Variants in PLXNA1 observed in about 807,000 individuals in gnomAD.
The protein encoded by PLXNA1 is plexin A1, also known as plexin-A1.
In PLXNA1, 77 loss-of-function variants were observed where a neutral mutation model predicts 191.7. That is an observed-to-expected ratio of 0.40 (90% CI 0.33 to 0.49). The LOEUF (loss-of-function observed/expected upper bound fraction) is 0.49, where lower values mean the gene tolerates loss of function less well. PLXNA1 is among the 20% of genes least tolerant of loss of function. The pLI, the probability that PLXNA1 is intolerant of heterozygous loss-of-function variation, is 0.63. For synonymous variants in PLXNA1, 1,137 were observed against 1,156.4 expected (o/e 0.98, Z 0.34); for missense variants, 2,110 against 2,660.2 (o/e 0.79, Z 4.55).
chr3:126,988,757 T>C lies in PLXNA1; in HGVS notation c.164T>C (p.Val55Ala), dbSNP rs774226635. 3 of 1,599,160 alleles carry C rather than the reference T, an allele frequency of 1.9e-6. No homozygotes were observed. The highest frequency in any genetic ancestry group is 2.6e-6 in the Non-Finnish European group (3 of 1,171,276). ...SASDWGLTHL[V>A]VHEQTGEVYV... The stretch of plus-strand genomic sequence containing the variant: ...AGCGACTGGGGCCTCACCCACCTAG[T>C]GGTGCATGAGCAGACAGGCGAGGTG... Residue 55 changes from valine to alanine, a missense_variant, in exon 2 of 32, where the codon GTG becomes GCG. Val to Ala is a moderately conservative substitution (Grantham distance 64). Around this residue, in one of 4 missense-constraint regions of PLXNA1, gnomAD observed 903 missense variants for 1,015.7 expected, o/e 0.89. Transcript: ENST00000393409.
intron 23 of PLXNA1, among the ~76,000 whole-genome samples, chr3:127,023,098 G>A (rs890762677): frequency 6.6e-6 from 1 of 152,238 alleles, no homozygotes; most frequent in Non-Finnish European, 1.5e-5. Context: ...GCTGGCCTGG[G>A]CTCAGGAGGG....
Position 127,017,632 on chromosome 3 carries a change from GAGCTGA to G in PLXNA1, c.3488_3493del (p.Leu1163_Lys1164del). On this transcript the variant is annotated inframe_deletion, in exon 18 of 32. Transcript: ENST00000393409. ...GCCACTCAGCCCCACTGGCCTGCTG[GAGCTGA>G]AGCCCAGCTCCCCACTCATCCTCAA... The G allele has an allele frequency of 6.2e-7, 1 of 1,613,600 alleles. No homozygotes were observed. Among genetic ancestry groups the G allele is most frequent in the Non-Finnish European group, 8.5e-7 (1 of 1,180,012 alleles).
intron 2 of PLXNA1, among the ~76,000 whole-genome samples, chr3:126,990,029 T>C (rs962378419): frequency 9.9e-5 from 15 of 152,202 alleles, no homozygotes; most frequent in African/African-American, 3.4e-4. Flanking sequence ...CCTCAGAAGA[T>C]GGGGTGACGA....
At chr3:127,029,612 G>A (rs551447128) in intron 27 of PLXNA1, 76 bp downstream of exon 27, 14 of 1,478,684 alleles carry the variant, frequency 9.5e-6, no homozygotes, top group African/African-American at 6.9e-5. Flanking sequence ...GGGCTCCCAC[G>A]CTGCAGCAGC....
chr3:127,020,167 G>C (rs2079145294), intron 20 of PLXNA1, 35 bp from the exon 21 acceptor site: 1 of 1,607,882 alleles, frequency 6.2e-7, no homozygotes, highest in South Asian at 1.1e-5. Flanking sequence ...GGGGCCACCA[G>C]GGCATGCTGC....
chr3:127,020,129 C>G, intron 20 of PLXNA1, 73 bp from the exon 21 acceptor site: 11 of 1,568,848 alleles, frequency 7.0e-6, no homozygotes, highest in South Asian at 1.2e-5. Flanking sequence ...ATGTAGGCCC[C>G]AAGAGTGGGA....
chr3:127,029,822 C>T lies in PLXNA1; in HGVS notation c.4871-52C>T, dbSNP rs192009207. ...TTTCAGATGGGGAAACAGGCTCGGGCGGGGGGTGCGGGGTGCCAGCCAACG... is the reference window on the plus strand; with the variant it reads ...TTTCAGATGGGGAAACAGGCTCGGGTGGGGGGTGCGGGGTGCCAGCCAACG... On this transcript the variant is annotated intron_variant, in intron 27 of 31. Coordinates refer to ENST00000393409, the MANE Select transcript of PLXNA1 (RefSeq NM_032242.4). 1.5e-3 allele frequency: 2,260 copies of T among 1,495,028 alleles called. 17 individuals are homozygous for T. The African/African-American group carries it at 0.026, about 17-fold the overall frequency. 92.6% of individuals were successfully genotyped at this position (1,495,028 alleles called of 1,614,324 possible).
rs1458072368 is a variant in PLXNA1, at chr3:127,034,327, G to A, written c.*310G>A. The A allele has an allele frequency of 3.0e-5, 9 of 295,508 alleles. No individual in the cohort carries two copies. The highest frequency in any genetic ancestry group is 5.1e-5 in the Non-Finnish European group (8 of 157,824). 18.3% of individuals were successfully genotyped at this position (295,508 alleles called of 1,614,324 possible). A position where few individuals can be genotyped will look rare whatever the true frequency, so the allele number is the denominator to read the frequency against. ...CTGCCCAGTGGCCTTCATGGGAGAA[G>A]GGCTGACCTCTGAGGGGCTGAGGGG... is the stretch of plus-strand genomic sequence containing the variant. On this transcript the variant is annotated 3_prime_UTR_variant, in exon 32 of 32. Transcript: ENST00000393409.
chr3:126,989,265 T>C lies in PLXNA1; in HGVS notation c.672T>C (p.Phe224=). ...DMFGFVYQDE[F]VSSQLKIPSD... ...TCGGCTTCGTGTACCAGGATGAGTTTGTGTCATCACAGCTCAAGATCCCTT... is the reference window on the plus strand; with the variant it reads ...TCGGCTTCGTGTACCAGGATGAGTTCGTGTCATCACAGCTCAAGATCCCTT... Residue 224 remains phenylalanine (F), a synonymous_variant, in exon 2 of 32, where the codon TTT becomes TTC. Coordinates refer to ENST00000393409, the MANE Select transcript of PLXNA1 (RefSeq NM_032242.4). 6.2e-7 allele frequency: 1 copy of C among 1,613,686 alleles called. No individual in the cohort carries two copies. Among genetic ancestry groups the C allele is most frequent in the Non-Finnish European group, 8.5e-7 (1 of 1,180,044 alleles).
rs577744672 is a variant in PLXNA1 at position 127,014,271 on chromosome 3, G to A, written c.2500G>A (p.Glu834Lys). The change falls in exon 12 of 32, where the codon GAG becomes AAG. Residue 834 changes from glutamate (E) to lysine (K), a missense_variant. Physicochemically the swap from Glu to Lys is moderately conservative, Grantham distance 56. Coordinates refer to ENST00000393409, the MANE Select transcript of PLXNA1 (RefSeq NM_032242.4). ...CTTCGAGTGCGGATGGTGCGTGGCC[G>A]AGCGCCGCTGCTCCCTGCGACACCA... The part of the protein sequence containing the change: ...PRFECGWCVA[E>K]RRCSLRHHCA... The A allele has an allele frequency of 6.3e-6, 10 of 1,595,630 alleles. No individual in the cohort carries two copies. The highest frequency in any genetic ancestry group is 1.7e-4 in the Middle Eastern group (1 of 6,038).
chr3:127,031,700 C>T (rs934880083), intron 29 of PLXNA1, among the ~76,000 whole-genome samples: 2 of 152,180 alleles, frequency 1.3e-5, no homozygotes, highest in African/African-American at 4.8e-5. Flanking sequence ...TGAAGTGTCA[C>T]GAAGCCCCTC....
chr3:127,028,823 C>T (rs2079190279), intron 25 of PLXNA1, 170 bp from the exon 26 acceptor site: 1 of 602,386 alleles, frequency 1.7e-6, no homozygotes, highest in Non-Finnish European at 2.9e-6. Context: ...GGCTGTGGCA[C>T]ATTGCAGGGG....
rs553699103 is a variant in PLXNA1, at chr3:126,999,120, C to T, written c.1378-4210C>T. ...TCCGCTGGGGCCTACCTCAGCTGTG[C>T]AGTTCTGGCTGGGAAGGGGAGGGGC... On this transcript the variant is annotated intron_variant, in intron 3 of 31. Coordinates refer to ENST00000393409, the MANE Select transcript of PLXNA1 (RefSeq NM_032242.4). Among the ~76,000 whole-genome samples the T allele has an allele frequency of 7.3e-3, 1,107 of 152,150 alleles. 11 individuals are homozygous for T. The highest frequency in any genetic ancestry group is 0.015 in the South Asian group (70 of 4,814).
intron 23 of PLXNA1, chr3:127,027,592 C>T (rs2079182425): frequency 4.4e-6 from 2 of 454,394 alleles, no homozygotes; most frequent in Non-Finnish European, 8.7e-6. Flanking sequence ...GGCGGGGATC[C>T]TGCTGAGACC....
intron 21 of PLXNA1, among the ~76,000 whole-genome samples, chr3:127,020,581 G>A (rs2079147444): frequency 6.6e-6 from 1 of 152,166 alleles, no homozygotes; most frequent in Non-Finnish European, 1.5e-5. Flanking sequence ...GGAATGGCCA[G>A]CACGGCTCTG....
At chr3:127,010,874 G>A (rs1234281735) in intron 9 of PLXNA1, among the ~76,000 whole-genome samples, 3 of 152,292 alleles carry the variant, frequency 2.0e-5, no homozygotes, top group Middle Eastern at 3.4e-3. Context: ...TTTTTCAGTT[G>A]GTTGGATGGT....
rs1236775951 is a variant in PLXNA1 at position 127,034,093 on chromosome 3, C to T, written c.*76C>T. On this transcript the variant is annotated 3_prime_UTR_variant, in exon 32 of 32. Transcript: ENST00000393409. ...GGACCGGGACAGCCCTCACCGCATG[C>T]GTGTGGAGTGTCCGGTGGTGCTCGG... 10 of 1,316,048 alleles carry T rather than the reference C, an allele frequency of 7.6e-6. No individual in the cohort carries two copies. Among genetic ancestry groups the T allele is most frequent in the African/African-American group, 2.9e-5 (2 of 68,564 alleles). 81.5% of individuals were successfully genotyped at this position (1,316,048 alleles called of 1,614,324 possible).
rs1340538756 is a variant in PLXNA1, at chr3:127,036,787, C to G, written c.*2770C>G. The G allele has an allele frequency of 6.6e-6, 1 of 152,304 alleles. No homozygotes were observed. The highest frequency in any genetic ancestry group is 1.5e-5 in the Non-Finnish European group (1 of 68,102). The allele number at this position is 152,304 out of a possible 1,614,324, so 9.4% of individuals were successfully genotyped here. A position where few individuals can be genotyped will look rare whatever the true frequency, so the allele number is the denominator to read the frequency against. On this transcript the variant is annotated 3_prime_UTR_variant, in exon 32 of 32. Coordinates refer to ENST00000393409, the MANE Select transcript of PLXNA1 (RefSeq NM_032242.4). ...TGCTGTGAAACTGGCACCCACCTGG[C>G]GTGCTGCTGCCGCCACTTGCTTCCT...
intron 15 of PLXNA1, among the ~76,000 whole-genome samples, 160 bp downstream of exon 15, chr3:127,015,480 C>A (rs2079118476): frequency 6.6e-6 from 1 of 152,208 alleles, no homozygotes; most frequent in Non-Finnish European, 1.5e-5. Context: ...AACAGGCTAC[C>A]TCCAGAGTGG....
Sources: gnomAD v4.1 joint callset for allele counts (sites outside exome capture counted in the v4.1 genomes callset) on GRCh38, gnomAD v4.1.1 for gene constraint, gnomAD v4.1.1 regional missense constraint, MANE v1.5 for transcripts, NCBI Gene and HGNC (gene_info 2026-07-23, HGNC 2026-07-21) for gene names.